The following CD109 variants were observed in gnomAD, a reference collection of about 807,000 sequenced individuals.
CD109 encodes the protein CD109 antigen.
CD109 carries 149 observed loss-of-function variants against 165.8 expected under a neutral mutation model. That is an observed-to-expected ratio of 0.90 (90% CI 0.79 to 1.03). The LOEUF is 1.03. CD109 is among the 50% of genes least tolerant of loss of function. The pLI is 0.00. For missense variants in CD109, 1,712 were observed against 1,677.8 expected (o/e 1.02, Z -0.36); for synonymous variants, 585 against 592.1 (o/e 0.99, Z 0.18).
intron 7 of CD109, among the ~76,000 whole-genome samples, chr6:73,760,013 G>A (rs937793958): frequency 1.1e-4 from 16 of 152,148 alleles, no homozygotes; most frequent in African/African-American, 2.9e-4. Flanking sequence ...GGAAGCCGCC[G>A]TTTACTGCTG....
chr6:73,799,736 A>C lies in CD109; in HGVS notation c.2879-3484A>C, dbSNP rs535583575. Among the ~76,000 whole-genome samples, 5 of 152,328 alleles carry C rather than the reference A, an allele frequency of 3.3e-5. No individual in the cohort carries two copies. The South Asian group carries it at 1.0e-3, about 32-fold the overall frequency. ...CCAACATTGAGGATTATAATTGAAC[A>C]TGAGATTTGTGTGGGGACAAATATA... On this transcript the variant is annotated intron_variant, in intron 23 of 32. Coordinates refer to ENST00000287097, the MANE Select transcript of CD109 (RefSeq NM_133493.5).
intron 22 of CD109, among the ~76,000 whole-genome samples, chr6:73,789,793 CT>C (rs1465562515): frequency 7.3e-6 from 1 of 136,756 alleles, no homozygotes; most frequent in Non-Finnish European, 1.5e-5. Flanking sequence ...TGGAGTCTTG[CT>C]CTGTCTCCCA....
intron 24 of CD109, among the ~76,000 whole-genome samples, chr6:73,804,966 G>A (rs1331208564): frequency 6.6e-6 from 1 of 152,184 alleles, no homozygotes; most frequent in Non-Finnish European, 1.5e-5. Flanking sequence ...TCTCACACCA[G>A]TTAGAATGGC....
intron 5 of CD109, among the ~76,000 whole-genome samples, chr6:73,745,926 C>T (rs1043325669): frequency 1.3e-5 from 2 of 152,168 alleles, no homozygotes; most frequent in East Asian, 1.9e-4. Context: ...GACAAGGTTT[C>T]GCCACATTGG....
chr6:73,727,183 A>G (rs1772170863), intron 3 of CD109, among the ~76,000 whole-genome samples: 1 of 152,180 alleles, frequency 6.6e-6, no homozygotes, highest in Non-Finnish European at 1.5e-5. Flanking sequence ...AAAGTCAATA[A>G]TCTTTTCTTC....
chr6:73,758,732 G>C (rs1198456310), intron 6 of CD109, among the ~76,000 whole-genome samples: 1 of 151,994 alleles, frequency 6.6e-6, no homozygotes, highest in East Asian at 1.9e-4. Context: ...TCTAGTTTTG[G>C]GTGAAACAAA....
chr6:73,810,241 T>A (rs1775706389), intron 27 of CD109, 67 bp downstream of exon 27: 6 of 369,432 alleles, frequency 1.6e-5, no homozygotes, highest in Non-Finnish European at 2.1e-5. Context: ...TTATATATAT[T>A]TTATATATAA....
chr6:73,764,672 C>G (rs542443712), intron 10 of CD109, among the ~76,000 whole-genome samples: 1 of 152,136 alleles, frequency 6.6e-6, no homozygotes, highest in Admixed American at 6.5e-5. Flanking sequence ...AAAAATTAGG[C>G]GGGCGTGGTG....
the CD109 span, among the ~76,000 whole-genome samples, chr6:73,679,368 C>T: frequency 6.8e-4 from 104 of 151,878 alleles, no homozygotes; most frequent in African/African-American, 2.4e-3. Context: ...AAGGAATCAC[C>T]ATTGTTAATA....
At chr6:73,742,739 A>G (rs1005321716) in intron 5 of CD109, among the ~76,000 whole-genome samples, 3 of 152,200 alleles carry the variant, frequency 2.0e-5, no homozygotes, top group African/African-American at 7.2e-5. Context: ...GTTTACCATA[A>G]TGGCCACCTG....
intron 20 of CD109, among the ~76,000 whole-genome samples, chr6:73,786,376 T>C (rs1052028106): frequency 1.3e-5 from 2 of 152,118 alleles, no homozygotes; most frequent in Admixed American, 1.3e-4. Flanking sequence ...GCACTTTATA[T>C]ATAATTTTTT....
intron 22 of CD109, among the ~76,000 whole-genome samples, chr6:73,790,288 A>G (rs1774875772): frequency 6.9e-6 from 1 of 144,902 alleles, no homozygotes; most frequent in East Asian, 2.1e-4. Flanking sequence ...TAGAGACGGG[A>G]TTTCACCATG....
At chr6:73,717,729 C>T (rs908713670) in intron 2 of CD109, among the ~76,000 whole-genome samples, 9 of 149,390 alleles carry the variant, frequency 6.0e-5, no homozygotes, top group Admixed American at 4.7e-4. Context: ...AGGGCATTCT[C>T]CTACCTCAGA....
chr6:73,792,857 G>A, intron 23 of CD109, 55 bp downstream of exon 23: 1 of 1,369,538 alleles, frequency 7.3e-7, no homozygotes, highest in South Asian at 1.3e-5. Flanking sequence ...TTTTTTTCAG[G>A]TAGGGTTCAT....
the CD109 span, among the ~76,000 whole-genome samples, chr6:73,685,216 C>A: frequency 1.3e-5 from 2 of 152,066 alleles, no homozygotes; most frequent in East Asian, 3.9e-4. Flanking sequence ...TTGTCCATTT[C>A]TTTATTGGGT....
chr6:73,817,833 G>A (rs1775990541), intron 30 of CD109, among the ~76,000 whole-genome samples: 1 of 152,150 alleles, frequency 6.6e-6, no homozygotes, highest in Non-Finnish European at 1.5e-5. Flanking sequence ...GGTGGCCAAA[G>A]AAAACAGAAA....
intron 29 of CD109, among the ~76,000 whole-genome samples, chr6:73,813,170 T>C (rs1475057111): frequency 1.3e-5 from 2 of 152,020 alleles, no homozygotes; most frequent in African/African-American, 4.8e-5. Flanking sequence ...ATGATCACAA[T>C]GAAAAGGAAT....
At chr6:73,701,325 A>G (rs1327701253) in intron 2 of CD109, among the ~76,000 whole-genome samples, 2 of 152,164 alleles carry the variant, frequency 1.3e-5, no homozygotes, top group East Asian at 3.8e-4. Context: ...CTTCCTTTGC[A>G]TAAAGAGTTA....
chr6:73,692,768 G>A (rs982162918), upstream of CD109, among the ~76,000 whole-genome samples: 8 of 152,056 alleles, frequency 5.3e-5, no homozygotes, highest in Admixed American at 3.9e-4. Flanking sequence ...TAAATTTCAC[G>A]AAATATGATG....
Sources: allele counts gnomAD v4.1 joint callset (sites outside exome capture counted in the v4.1 genomes callset), GRCh38; gene constraint gnomAD v4.1.1; transcripts MANE v1.5; gene names NCBI Gene and HGNC (gene_info 2026-07-23, HGNC 2026-07-21).